The following CCDC167 variants were observed in gnomAD, a reference collection of about 807,000 sequenced individuals.
The protein encoded by CCDC167 is coiled-coil domain containing 167, also known as coiled-coil domain-containing protein 167.
Under a neutral mutation model 12.7 loss-of-function variants are expected in CCDC167, and 15 were observed. The ratio of observed to expected loss-of-function variants is 1.18; its 90% confidence interval spans 0.79 to 1.81. The LOEUF (loss-of-function observed/expected upper bound fraction) is 1.81. Among genes scored for constraint, CCDC167 ranks in the 40% most tolerant of loss-of-function variants. The pLI, the probability that CCDC167 is intolerant of heterozygous loss-of-function variation, is 0.00. For synonymous variants in CCDC167, 52 were observed against 49.0 expected (o/e 1.06, Z -0.26); for missense variants, 121 against 120.1 (o/e 1.01, Z -0.03).
Position 37,499,830 on chromosome 6 carries a change from C to A in CCDC167, c.34G>T (p.Ala12Ser). The A allele has an allele frequency of 1.2e-6, 2 of 1,614,142 alleles. No homozygotes were observed. Among genetic ancestry groups the A allele is most frequent in the Non-Finnish European group, 1.7e-6 (2 of 1,180,010 alleles). ...TKKKRENLGV[A>S]LEIDGLEEKL... ...CCCACTTTTCCCCTCACCTCTAGAG[C>A]GACGCCCAGATTCTCCCGCTTCTTT... Residue 12 changes from alanine (A) to serine (S), a missense_variant, in exon 1 of 4, where the codon GCT (alanine) becomes TCT (serine). By Grantham distance (99) the Ala-to-Ser change is moderately conservative. Transcript: ENST00000373408.
rs138954501 is a variant in CCDC167, at chr6:37,499,833, C to T, written c.31G>A (p.Val11Ile). 3.1e-6 allele frequency: 5 copies of T among 1,614,030 alleles called. No homozygotes were observed. The highest frequency in any genetic ancestry group is 4.2e-6 in the Non-Finnish European group (5 of 1,180,028). Residue 11 changes from valine to isoleucine, a missense_variant, in exon 1 of 4, where the codon GTC (valine) becomes ATC (isoleucine). Physicochemically the swap from Val to Ile is conservative, Grantham distance 29. Transcript: ENST00000373408. ...ACTTTTCCCCTCACCTCTAGAGCGACGCCCAGATTCTCCCGCTTCTTTTTA... is the reference window on the plus strand; with the variant it reads ...ACTTTTCCCCTCACCTCTAGAGCGATGCCCAGATTCTCCCGCTTCTTTTTA... MTKKKRENLG[V>I]ALEIDGLEEK... is the part of the protein sequence containing the mutation.
At chr6:37,488,814 A>G (rs1761978046) in intron 1 of CCDC167, among the ~76,000 whole-genome samples, 1 of 152,270 alleles carries the variant, frequency 6.6e-6, no homozygotes, top group South Asian at 2.1e-4. Context: ...AGATGCCCAG[A>G]ACATGCTTTA....
At chr6:37,483,375 T>C in intron 3 of CCDC167, 86 bp from the exon 4 acceptor site, 1 of 875,036 alleles carries the variant, frequency 1.1e-6, no homozygotes, top group Non-Finnish European at 1.9e-6. Context: ...GGGTACACAC[T>C]GCTGAGGGCA....
chr6:37,483,928 CTG>C (rs1761904932), intron 3 of CCDC167, among the ~76,000 whole-genome samples: 1 of 152,180 alleles, frequency 6.6e-6, no homozygotes, highest in African/African-American at 2.4e-5. Flanking sequence ...AGGGGGTACT[CTG>C]TGAGGGCTAA....
intron 1 of CCDC167, among the ~76,000 whole-genome samples, chr6:37,498,068 A>C (rs1003561322): frequency 6.6e-6 from 1 of 152,126 alleles, no homozygotes; most frequent in Non-Finnish European, 1.5e-5. Context: ...TTTGCCACAA[A>C]AGCACTGTGA....
intron 1 of CCDC167, among the ~76,000 whole-genome samples, chr6:37,494,191 G>A (rs936737782): frequency 6.7e-6 from 1 of 149,528 alleles, no homozygotes; most frequent in African/African-American, 2.5e-5. Context: ...TCAGCCTCCC[G>A]AGTAGCTGGG....
At chr6:37,495,891 A>C (rs941939674) in intron 1 of CCDC167, among the ~76,000 whole-genome samples, 1 of 152,212 alleles carries the variant, frequency 6.6e-6, no homozygotes, top group Non-Finnish European at 1.5e-5. Flanking sequence ...ACTGAGCATC[A>C]GTGCACATTC....
At chr6:37,485,018 G>T in intron 2 of CCDC167, 82 bp downstream of exon 2, 1 of 1,461,920 alleles carries the variant, frequency 6.8e-7, no homozygotes, top group Non-Finnish European at 9.5e-7. Flanking sequence ...CTCTGCCTCA[G>T]GCCTACTTTG....
intron 1 of CCDC167, 105 bp from the exon 2 acceptor site, chr6:37,485,299 C>T: frequency 1.2e-6 from 1 of 860,994 alleles, no homozygotes; most frequent in Non-Finnish European, 1.9e-6. Flanking sequence ...AGGTGTTCCC[C>T]CCATTCGTTT....
rs2113912680 is a variant in CCDC167, at chr6:37,499,825, T to C, written c.39A>G (p.Leu13=). Residue 13 remains leucine (L), a synonymous_variant, in exon 1 of 4, where the codon CTA becomes CTG. Transcript: ENST00000373408. ...CAACCCCCACTTTTCCCCTCACCTCTAGAGCGACGCCCAGATTCTCCCGCT... is the reference window on the plus strand; with the variant it reads ...CAACCCCCACTTTTCCCCTCACCTCCAGAGCGACGCCCAGATTCTCCCGCT... ...KKKRENLGVA[L]EIDGLEEKLS... is the part of the protein sequence containing the mutation. The C allele has an allele frequency of 1.2e-6, 2 of 1,614,138 alleles. No individual in the cohort carries two copies. Among genetic ancestry groups the C allele is most frequent in the Non-Finnish European group, 1.7e-6 (2 of 1,180,000 alleles).
chr6:37,497,442 G>C (rs974777637), intron 1 of CCDC167, among the ~76,000 whole-genome samples: 1 of 147,598 alleles, frequency 6.8e-6, no homozygotes, highest in Admixed American at 6.8e-5. Context: ...TATCATGCCT[G>C]AACAGTTTAT....
rs570891318 is a variant in CCDC167, at chr6:37,485,667, G to A, written c.43-473C>T. 5.4e-4 allele frequency among the ~76,000 whole-genome samples: 83 copies of A among 152,338 alleles called. 6 individuals are homozygous for A. Among genetic ancestry groups the A allele is most frequent in the East Asian group, 3.9e-4 (2 of 5,188 alleles). ...CCAAACACTCCACACGTGTGGGGCCGGGTGATTAGACATCTAGGGGCAACA... is the reference window on the plus strand; with the variant it reads ...CCAAACACTCCACACGTGTGGGGCCAGGTGATTAGACATCTAGGGGCAACA... On this transcript the variant is annotated intron_variant, in intron 1 of 3. Coordinates refer to ENST00000373408, the MANE Select transcript of CCDC167 (RefSeq NM_138493.3).
At chr6:37,484,276 C>G (rs1325451390) in intron 3 of CCDC167, among the ~76,000 whole-genome samples, 4 of 152,340 alleles carry the variant, frequency 2.6e-5, no homozygotes, top group African/African-American at 9.6e-5. Context: ...CGTGGTCCTC[C>G]CCAGCCTTTA....
intron 1 of CCDC167, among the ~76,000 whole-genome samples, chr6:37,487,017 G>A (rs951488234): frequency 6.7e-5 from 10 of 149,160 alleles, no homozygotes; most frequent in Non-Finnish European, 1.3e-4. Context: ...GGTGGGGGTT[G>A]GGGGGCAGGG....
chr6:37,488,416 C>A (rs879395187), intron 1 of CCDC167, among the ~76,000 whole-genome samples: 6 of 152,188 alleles, frequency 3.9e-5, no homozygotes, highest in Non-Finnish European at 7.3e-5. Context: ...GCAGACGACC[C>A]GAGGCAAATG....
At chr6:37,488,957 G>A (rs1377010406) in intron 1 of CCDC167, among the ~76,000 whole-genome samples, 2 of 151,316 alleles carry the variant, frequency 1.3e-5, no homozygotes, top group Non-Finnish European at 3.0e-5. Flanking sequence ...CAGGGGTGTG[G>A]CTGGGCATGG....
chr6:37,482,948 GTTC>G lies in CCDC167; in HGVS notation c.*235_*237del. 1 of 556,516 alleles carries G rather than the reference GTTC, an allele frequency of 1.8e-6. No homozygotes were observed. Among genetic ancestry groups the G allele is most frequent in the Admixed American group, 2.6e-5 (1 of 37,868 alleles). 34.5% of individuals were successfully genotyped at this position (556,516 alleles called of 1,614,324 possible). A position where few individuals can be genotyped will look rare whatever the true frequency, so the allele number is the denominator to read the frequency against. On this transcript the variant is annotated 3_prime_UTR_variant, in exon 4 of 4. Transcript: ENST00000373408. The stretch of plus-strand genomic sequence containing the variant: ...ACTCAGCAGACGGGAACAGCTTTGT[GTTC>G]TTTATTGCCTCTCCCTTGGGCTAAG...
intron 3 of CCDC167, among the ~76,000 whole-genome samples, chr6:37,484,562 G>A (rs1161491134): frequency 6.6e-6 from 1 of 152,194 alleles, no homozygotes; most frequent in Non-Finnish European, 1.5e-5. Flanking sequence ...CCTGGCCACG[G>A]CCACATCCCT....
At chr6:37,494,056 CTTTTT>C (rs70977666) in intron 1 of CCDC167, among the ~76,000 whole-genome samples, 1,584 of 91,234 alleles carry the variant, frequency 0.017, 27 homozygotes, top group African/African-American at 0.062. Flanking sequence ...GTGATCCTGC[CTTTTT>C]TTTTTTTTTT....
Sources: gnomAD v4.1 joint callset for allele counts (sites outside exome capture counted in the v4.1 genomes callset) on GRCh38, gnomAD v4.1.1 for gene constraint, MANE v1.5 for transcripts, NCBI Gene and HGNC (gene_info 2026-07-23, HGNC 2026-07-21) for gene names.